The following SIPA1L3 variants were observed in gnomAD, a reference collection of about 807,000 sequenced individuals.
SIPA1L3 encodes signal induced proliferation associated 1 like 3.
A neutral mutation model predicts 150.1 loss-of-function variants in SIPA1L3; 59 were observed. The observed-to-expected ratio is 0.39, with a 90% confidence interval of 0.32 to 0.49. The LOEUF (loss-of-function observed/expected upper bound fraction) is 0.49. SIPA1L3 is among the 20% of genes least tolerant of loss of function. The probability of loss-of-function intolerance (pLI) is 0.86; values close to 1 mark genes in which losing one functional copy is unlikely to be tolerated. For missense variants in SIPA1L3, 2,211 were observed against 2,489.5 expected, an observed-to-expected ratio of 0.89 and a Z score of 2.38; for synonymous variants, 1,070 against 1,077.6, an observed-to-expected ratio of 0.99 and a Z score of 0.14.
In SIPA1L3 at chr19:38,105,675, T is replaced by C. The variant is rs114226634; in HGVS notation, c.2030-862T>C. ...GCATGTCACATGAATGGGATCACAC[T>C]GTGTGTGCTGCTTTGTGTCAGCATC... On this transcript the variant is annotated intron_variant, in intron 6 of 21. Coordinates refer to ENST00000222345, the MANE Select transcript of SIPA1L3 (RefSeq NM_015073.3). 4.0e-3 allele frequency among the ~76,000 whole-genome samples: 608 copies of C among 152,376 alleles called. 4 individuals are homozygous for C. The highest frequency in any genetic ancestry group is 0.014 in the African/African-American group (583 of 41,594).
At chr19:38,136,016 C>G (rs758819434) in intron 10 of SIPA1L3, among the ~76,000 whole-genome samples, 2 of 151,656 alleles carry the variant, frequency 1.3e-5, no homozygotes, top group Non-Finnish European at 2.9e-5. Flanking sequence ...TCCTCCTACC[C>G]CCAGGCCACA....
intron 13 of SIPA1L3, among the ~76,000 whole-genome samples, chr19:38,156,781 C>G (rs1189349531): frequency 2.0e-5 from 3 of 151,996 alleles, no homozygotes; most frequent in African/African-American, 4.8e-5. Context: ...GCTGAGATCA[C>G]GCATTGCACT....
At chr19:38,054,874 A>G (rs1969282216) in intron 2 of SIPA1L3, among the ~76,000 whole-genome samples, 1 of 152,182 alleles carries the variant, frequency 6.6e-6, no homozygotes, top group South Asian at 2.1e-4. Flanking sequence ...CGCTTCTGCC[A>G]TGAGTCCTTG....
At chr19:37,967,807 G>A (rs2046917617) in intron 1 of SIPA1L3, among the ~76,000 whole-genome samples, 1 of 152,116 alleles carries the variant, frequency 6.6e-6, no homozygotes, top group African/African-American at 2.4e-5. Flanking sequence ...TTTAGAGACT[G>A]GGTTATGTGA....
At chr19:37,980,507 T>A (rs530735657) in intron 1 of SIPA1L3, among the ~76,000 whole-genome samples, 1 of 152,130 alleles carries the variant, frequency 6.6e-6, no homozygotes, top group Admixed American at 6.5e-5. Flanking sequence ...GGGGGAAGCA[T>A]GAGGAAGAGC....
intron 9 of SIPA1L3, among the ~76,000 whole-genome samples, chr19:38,124,295 G>A (rs1415826984): frequency 8.0e-5 from 12 of 150,774 alleles, no homozygotes; most frequent in Non-Finnish European, 1.8e-4. Flanking sequence ...CGGGGCGGCC[G>A]GGCAGAGACG....
chr19:38,088,591 G>A, intron 3 of SIPA1L3, 130 bp from the exon 4 acceptor site: 1 of 1,158,016 alleles, frequency 8.6e-7, no homozygotes, highest in Non-Finnish European at 1.2e-6. Flanking sequence ...CCAGGCATGA[G>A]GTTTGCGTGA....
intron 4 of SIPA1L3, among the ~76,000 whole-genome samples, chr19:38,099,632 A>C (rs962315205): frequency 6.6e-6 from 1 of 152,026 alleles, no homozygotes; most frequent in Non-Finnish European, 1.5e-5. Context: ...CACAGGAGGC[A>C]CTCAGCCAGT....
intron 9 of SIPA1L3, among the ~76,000 whole-genome samples, chr19:38,128,872 G>A (rs1367902364): frequency 2.0e-5 from 3 of 152,002 alleles, no homozygotes; most frequent in Non-Finnish European, 4.4e-5. Flanking sequence ...ACTCCAGCCT[G>A]GGCGACAGCG....
chr19:37,945,652 G>C (rs7257688), intron 1 of SIPA1L3, among the ~76,000 whole-genome samples: 2 of 151,934 alleles, frequency 1.3e-5, no homozygotes, highest in Non-Finnish European at 1.5e-5. Flanking sequence ...AGATCCCCCC[G>C]TGTCTGTGGG....
intron 8 of SIPA1L3, among the ~76,000 whole-genome samples, chr19:38,115,794 A>G (rs979130579): frequency 2.6e-5 from 4 of 152,192 alleles, no homozygotes; most frequent in Admixed American, 6.5e-5. Context: ...CTGTCATAAC[A>G]TGCCCTGTTC....
At chr19:38,077,661 C>CTTTT (rs58788182) in intron 2 of SIPA1L3, among the ~76,000 whole-genome samples, 823 of 64,192 alleles carry the variant, frequency 0.013, 186 homozygotes, top group African/African-American at 0.043. Flanking sequence ...TTTTCTTTTT[C>CTTTT]TTTTTTTTTT....
chr19:38,111,021 TG>T (rs202045900), intron 8 of SIPA1L3, among the ~76,000 whole-genome samples: 4 of 134,286 alleles, frequency 3.0e-5, no homozygotes, highest in Admixed American at 7.0e-5. Flanking sequence ...TTTGTTGTTT[TG>T]GGTTTTTTTT....
At chr19:37,987,550 AC>A (rs1037519244) in intron 1 of SIPA1L3, among the ~76,000 whole-genome samples, 1 of 152,050 alleles carries the variant, frequency 6.6e-6, no homozygotes, top group Non-Finnish European at 1.5e-5. Context: ...CAGTAACAGC[AC>A]CCCCCAGCGG....
intron 1 of SIPA1L3, among the ~76,000 whole-genome samples, chr19:38,000,899 TATATATATATAACATATATATAAC>T (rs1967773300): frequency 9.7e-6 from 1 of 103,236 alleles, no homozygotes; most frequent in African/African-American, 4.1e-5. Flanking sequence ...ATATGTTATA[TATATATATATAACATATATATAAC>T]ATATATATAA....
chr19:38,100,263 C>T (rs1343027104), intron 5 of SIPA1L3, 113 bp downstream of exon 5: 1 of 826,514 alleles, frequency 1.2e-6, no homozygotes, highest in Non-Finnish European at 1.8e-6. Context: ...TAACAGAAAC[C>T]TACTTAAGCT....
intron 1 of SIPA1L3, among the ~76,000 whole-genome samples, chr19:37,948,181 A>G (rs1458186953): frequency 1.3e-5 from 2 of 152,234 alleles, no homozygotes; most frequent in Non-Finnish European, 2.9e-5. Context: ...AAGCAGCAGT[A>G]GGCAATGTTC....
At chr19:38,023,463 G>C (rs1968425368) in intron 1 of SIPA1L3, among the ~76,000 whole-genome samples, 1 of 152,198 alleles carries the variant, frequency 6.6e-6, no homozygotes, top group Admixed American at 6.5e-5. Context: ...TTTTCCCAAG[G>C]CAAAGTCCTT....
intron 1 of SIPA1L3, among the ~76,000 whole-genome samples, chr19:38,010,293 A>G (rs548918166): frequency 3.6e-4 from 55 of 152,104 alleles, no homozygotes; most frequent in African/African-American, 1.3e-3. Context: ...TTATAACCCC[A>G]GCCCTTTAGG....
Sources: gnomAD v4.1 joint callset for allele counts (sites outside exome capture counted in the v4.1 genomes callset) on GRCh38, gnomAD v4.1.1 for gene constraint, MANE v1.5 for transcripts, NCBI Gene and HGNC (gene_info 2026-07-23, HGNC 2026-07-21) for gene names.